The following PPFIA2 variants were observed in gnomAD, a reference collection of about 807,000 sequenced individuals.
The protein encoded by PPFIA2 is liprin-alpha-2.
In PPFIA2, 46 loss-of-function variants were observed where a neutral mutation model predicts 175.5. The ratio of observed to expected loss-of-function variants is 0.26; its 90% confidence interval spans 0.21 to 0.34. PPFIA2 has a LOEUF of 0.34. PPFIA2 is among the 10% of genes least tolerant of loss of function. The pLI is 1.00. For missense variants in PPFIA2, 1,179 were observed against 1,506.1 expected, an observed-to-expected ratio of 0.78 and a Z score of 3.60; for synonymous variants, 568 against 511.4, an observed-to-expected ratio of 1.11 and a Z score of -1.49.
In PPFIA2 at chr12:81,286,391, C is replaced by T. The variant is rs184903445; in HGVS notation, c.2926-2088G>A. The stretch of plus-strand genomic sequence containing the variant: ...TCGTATTCACTAAGTGCCCTATTCA[C>T]GTGTACCATTTTTTATCTTTTATAC... On this transcript the variant is annotated intron_variant, in intron 24 of 32. Coordinates refer to ENST00000549396, the MANE Select transcript of PPFIA2 (RefSeq NM_003625.5). 2.8e-4 allele frequency among the ~76,000 whole-genome samples: 43 copies of T among 152,084 alleles called. 1 individual carries two copies. Among genetic ancestry groups the T allele is most frequent in the Admixed American group, 2.7e-3 (41 of 15,246 alleles).
intron 4 of PPFIA2, among the ~76,000 whole-genome samples, chr12:81,492,538 T>G (rs149267953): frequency 8.6e-5 from 13 of 151,960 alleles, no homozygotes; most frequent in African/African-American, 3.1e-4. Flanking sequence ...AGAAAACACT[T>G]AGGAGGAGTG....
chr12:81,413,488 A>G (rs1194794060), intron 7 of PPFIA2, among the ~76,000 whole-genome samples: 1 of 151,842 alleles, frequency 6.6e-6, no homozygotes, highest in Non-Finnish European at 1.5e-5. Flanking sequence ...ATGGCTTTGT[A>G]GGAAAGTCAC....
chr12:81,478,116 C>T (rs1251141060), intron 4 of PPFIA2, among the ~76,000 whole-genome samples: 1 of 151,982 alleles, frequency 6.6e-6, no homozygotes, highest in Non-Finnish European at 1.5e-5. Context: ...AGGGATTCGA[C>T]TTCTTCTTAG....
At chr12:81,524,316 G>A (rs942259599) in intron 4 of PPFIA2, among the ~76,000 whole-genome samples, 2 of 152,110 alleles carry the variant, frequency 1.3e-5, no homozygotes, top group Non-Finnish European at 2.9e-5. Context: ...TGGAGCCCTG[G>A]AGCCCATTTG....
At chr12:81,622,436 C>T (rs887606743) in intron 4 of PPFIA2, among the ~76,000 whole-genome samples, 6 of 151,904 alleles carry the variant, frequency 3.9e-5, no homozygotes, top group African/African-American at 1.5e-4. Flanking sequence ...TTTTTTTCCT[C>T]AGCATAAGAA....
In PPFIA2 at chr12:81,670,856, T is replaced by TC. The variant is rs1303000914; in HGVS notation, c.303+5934dup. On this transcript the variant is annotated intron_variant, in intron 4 of 32. Coordinates refer to ENST00000549396, the MANE Select transcript of PPFIA2 (RefSeq NM_003625.5). Reference sequence around the variant, plus strand: ...TGATTCTCACATTTCTGGTATCCCATCCTTGGACCCATCTCTGTTTTGTCT... The same window carrying TC: ...TGATTCTCACATTTCTGGTATCCCATCCCTTGGACCCATCTCTGTTTTGTCT... Among the ~76,000 whole-genome samples the TC allele has an allele frequency of 2.0e-5, 3 of 152,076 alleles. No individual in the cohort carries two copies. The East Asian group carries it at 5.8e-4, about 30-fold the overall frequency.
chr12:81,623,258 A>G (rs2062280023), intron 4 of PPFIA2, among the ~76,000 whole-genome samples: 1 of 152,088 alleles, frequency 6.6e-6, no homozygotes, highest in Non-Finnish European at 1.5e-5. Flanking sequence ...ATGCCAGTTT[A>G]TTTAGAGATG....
At chr12:81,291,313 C>T (rs1921054) in intron 24 of PPFIA2, among the ~76,000 whole-genome samples, 138,023 of 151,904 alleles carry the variant, frequency 0.91, 63,444 homozygotes, top group South Asian at 0.98. Flanking sequence ...TCATTTTTGT[C>T]TGAAGCCTTA....
At chr12:81,609,875 C>T (rs1157141453) in intron 4 of PPFIA2, among the ~76,000 whole-genome samples, 1 of 152,110 alleles carries the variant, frequency 6.6e-6, no homozygotes, top group Non-Finnish European at 1.5e-5. Context: ...TACCTGAGGG[C>T]TATGCACTTA....
intron 21 of PPFIA2, among the ~76,000 whole-genome samples, chr12:81,338,943 C>G (rs2057573246): frequency 6.6e-6 from 1 of 152,086 alleles, no homozygotes; most frequent in Non-Finnish European, 1.5e-5. Context: ...TAAATTCTAG[C>G]TATTGTTATA....
rs749287011 is a variant in PPFIA2, at chr12:81,375,867, A to T, written c.1060T>A (p.Ser354Thr). ...EKRYLSAQRE[S>T]TSIHDMNDKL... ...TCATTCATGTCATGTATGGAGGTAG[A>T]TTCTCTCTGAGCACTGAGGTAACGC... is the stretch of plus-strand genomic sequence containing the variant. Residue 354 changes from serine to threonine, a missense_variant, in exon 10 of 33, where the codon TCT becomes ACT. This residue lies in a region of PPFIA2 where 226 missense variants were observed against 216.6 expected (regional missense o/e 1.04). Coordinates refer to ENST00000549396, the MANE Select transcript of PPFIA2 (RefSeq NM_003625.5). The T allele has an allele frequency of 1.2e-6, 2 of 1,610,198 alleles. No individual in the cohort carries two copies. The highest frequency in any genetic ancestry group is 2.2e-5 in the South Asian group (2 of 90,988).
At chr12:81,412,335 C>CAAAAAA (rs35342063) in intron 7 of PPFIA2, among the ~76,000 whole-genome samples, 1 of 96,204 alleles carries the variant, frequency 1.0e-5, no homozygotes, top group Non-Finnish European at 2.4e-5. Context: ...GTTAAGGAGG[C>CAAAAAA]AAAAAAAAAA....
chr12:81,297,735 C>T lies in PPFIA2; in HGVS notation c.2724+1566G>A, dbSNP rs543811995. Reference sequence around the variant, plus strand: ...AACATCACCCAAATGCCTGCCAATACATTGTTACCAATGTCATCCATAATT... The same window carrying T: ...AACATCACCCAAATGCCTGCCAATATATTGTTACCAATGTCATCCATAATT... On this transcript the variant is annotated intron_variant, in intron 23 of 32. Coordinates refer to ENST00000549396, the MANE Select transcript of PPFIA2 (RefSeq NM_003625.5). Among the ~76,000 whole-genome samples the T allele has an allele frequency of 2.1e-4, 32 of 152,334 alleles. No individual in the cohort carries two copies. In the South Asian group the frequency reaches 6.6e-3, roughly 32 times the overall value.
At position 81,583,856 on chromosome 12, in the gene PPFIA2, T is replaced by C. The variant is rs561140969; in HGVS notation, c.303+92935A>G. Among the ~76,000 whole-genome samples, 46 of 152,062 alleles carry C rather than the reference T, an allele frequency of 3.0e-4. 1 individual carries two copies. The South Asian group carries it at 9.3e-3, about 31-fold the overall frequency. ...GCTCTGCCTAGAATGGTCCCTCAGT[T>C]CATGGCCCATTGGCCAGCCATAAAC... On this transcript the variant is annotated intron_variant, in intron 4 of 32. Coordinates refer to ENST00000549396, the MANE Select transcript of PPFIA2 (RefSeq NM_003625.5).
intron 4 of PPFIA2, among the ~76,000 whole-genome samples, chr12:81,530,419 C>T (rs527881626): frequency 4.1e-4 from 62 of 151,992 alleles, no homozygotes; most frequent in African/African-American, 1.3e-3. Context: ...CTCCTAAGAG[C>T]CAAAGAAATG....
At chr12:81,417,036 A>T (rs1365094445) in intron 7 of PPFIA2, among the ~76,000 whole-genome samples, 1 of 151,834 alleles carries the variant, frequency 6.6e-6, no homozygotes, top group Non-Finnish European at 1.5e-5. Flanking sequence ...TATGCTAAGA[A>T]GTATAAAAAT....
At chr12:81,597,994 A>G in intron 4 of PPFIA2, 1 of 1,535,254 alleles carries the variant, frequency 6.5e-7, no homozygotes, top group Non-Finnish European at 8.7e-7. Context: ...GATGCACTTT[A>G]GGGGAGCCAG....
intron 17 of PPFIA2, among the ~76,000 whole-genome samples, chr12:81,348,502 C>A (rs943364233): frequency 3.9e-5 from 6 of 152,064 alleles, no homozygotes; most frequent in African/African-American, 1.4e-4. Context: ...CTTTGGGAGG[C>A]CGAGATGGGT....
chr12:81,457,923 A>C, intron 4 of PPFIA2, 57 bp from the exon 5 acceptor site: 9 of 1,184,324 alleles, frequency 7.6e-6, no homozygotes, highest in Non-Finnish European at 1.1e-5. Flanking sequence ...GCAGAAAAAA[A>C]TTCAAAATAT....
Sources: allele counts gnomAD v4.1 joint callset (sites outside exome capture counted in the v4.1 genomes callset), GRCh38; gene constraint gnomAD v4.1.1; regional missense constraint gnomAD v4.1.1; transcripts MANE v1.5; gene names NCBI Gene and HGNC (gene_info 2026-07-23, HGNC 2026-07-21).